ABI2: variants seen among roughly 807,000 people sequenced by gnomAD.
The protein encoded by ABI2 is abelson interactor 2.
A neutral mutation model predicts 59.2 loss-of-function variants in ABI2; 25 were observed. That is an observed-to-expected ratio of 0.42 (90% CI 0.31 to 0.59). ABI2 has a LOEUF of 0.59. Ranked by LOEUF, ABI2 falls within the 20% of genes least tolerant of loss-of-function variation. The probability of loss-of-function intolerance (pLI) is 0.14; values close to 1 mark genes in which losing one functional copy is unlikely to be tolerated. For missense variants in ABI2, 545 were observed against 681.8 expected (o/e 0.80, Z 2.23); for synonymous variants, 213 against 235.5 (o/e 0.90, Z 0.87).
chr2:203,415,707 G>C (rs902732323), intron 10 of ABI2, among the ~76,000 whole-genome samples: 3 of 151,486 alleles, frequency 2.0e-5, no homozygotes, highest in Non-Finnish European at 2.9e-5. Flanking sequence ...TGCTCAGAGA[G>C]TCACATGGGA....
At chr2:203,343,339 G>A (rs755107712) in intron 1 of ABI2, among the ~76,000 whole-genome samples, 5 of 152,198 alleles carry the variant, frequency 3.3e-5, no homozygotes, top group Non-Finnish European at 5.9e-5. Flanking sequence ...ACTCTAGCCT[G>A]GACGACAGCG....
At chr2:203,338,963 A>AAAT (rs2078063279) in intron 1 of ABI2, among the ~76,000 whole-genome samples, 1 of 9,992 alleles carries the variant, frequency 1.0e-4, no homozygotes, top group African/African-American at 3.6e-4. Context: ...TATATATATA[A>AAAT]ATATATATAT....
intron 1 of ABI2, among the ~76,000 whole-genome samples, chr2:203,357,774 T>C (rs891034960): frequency 6.6e-6 from 1 of 152,054 alleles, no homozygotes; most frequent in Admixed American, 6.6e-5. Context: ...TTTGTTTGTT[T>C]GTTTGTTTGT....
At chr2:203,376,512 G>C (rs1257614435) in intron 2 of ABI2, among the ~76,000 whole-genome samples, 1 of 152,126 alleles carries the variant, frequency 6.6e-6, no homozygotes, top group Non-Finnish European at 1.5e-5. Context: ...AGTTTTTACT[G>C]AGATTTGATA....
In ABI2 at chr2:203,386,430, GTTTTTTTTTTTTT is replaced by G. The variant is rs71007512; in HGVS notation, c.480+4238_480+4250del. On this transcript the variant is annotated intron_variant, in intron 4 of 11. Transcript: ENST00000261018. Reference sequence around the variant, plus strand: ...AGCGGGACTACAGCCACTCCTGGCTGTTTTTTTTTTTTTTTTTTTTTTTTTTGGAGAGACGTGG... The same window carrying G: ...AGCGGGACTACAGCCACTCCTGGCTGTTTTTTTTTTTTTGGAGAGACGTGG... 1.3e-4 allele frequency: 8 copies of G among 63,900 alleles called. 1 individual carries two copies. Among genetic ancestry groups the G allele is most frequent in the East Asian group, 6.4e-4 (1 of 1,552 alleles). The allele number at this position is 63,900 out of a possible 1,614,324, so 4.0% of individuals were successfully genotyped here.
At chr2:203,330,369 G>A (rs1253941953) in intron 1 of ABI2, among the ~76,000 whole-genome samples, 1 of 149,516 alleles carries the variant, frequency 6.7e-6, no homozygotes, top group Non-Finnish European at 1.5e-5. Context: ...TCAGGCCTGG[G>A]CGATAAGAGT....
intron 11 of ABI2, among the ~76,000 whole-genome samples, chr2:203,426,550 T>G (rs1336200065): frequency 6.6e-6 from 1 of 152,174 alleles, no homozygotes; most frequent in African/African-American, 2.4e-5. Context: ...TATAGTTATA[T>G]TAAATTGGTG....
At chr2:203,381,589 A>G (rs1476684184) in intron 3 of ABI2, among the ~76,000 whole-genome samples, 1 of 152,214 alleles carries the variant, frequency 6.6e-6, no homozygotes, top group East Asian at 1.9e-4. Context: ...TATAGCCAAT[A>G]CCTACATGCA....
At chr2:203,331,277 T>C (rs949933916) in intron 1 of ABI2, among the ~76,000 whole-genome samples, 1 of 151,794 alleles carries the variant, frequency 6.6e-6, no homozygotes, top group African/African-American at 2.4e-5. Context: ...AGCAGGGGTT[T>C]TGATGCTGCC....
intron 2 of ABI2, among the ~76,000 whole-genome samples, chr2:203,376,733 C>CCT (rs2095713363): frequency 2.6e-5 from 3 of 114,898 alleles, no homozygotes; most frequent in Admixed American, 1.9e-4. Flanking sequence ...TTGGTCTTCC[C>CCT]TTTTTTTTTT....
intron 1 of ABI2, among the ~76,000 whole-genome samples, chr2:203,333,182 A>G (rs1228859466): frequency 6.6e-6 from 1 of 152,194 alleles, no homozygotes; most frequent in Non-Finnish European, 1.5e-5. Flanking sequence ...ATTAGAATAC[A>G]TGCTCATTGT....
intron 6 of ABI2, among the ~76,000 whole-genome samples, chr2:203,395,448 T>C (rs3769675): frequency 0.035 from 3,981 of 115,326 alleles, 103 homozygotes; most frequent in Admixed American, 0.052. Context: ...TATATATATA[T>C]ACACACACAC....
At chr2:203,374,453 C>G (rs993477203) in intron 2 of ABI2, among the ~76,000 whole-genome samples, 9 of 143,456 alleles carry the variant, frequency 6.3e-5, no homozygotes, top group African/African-American at 2.4e-4. Flanking sequence ...GAGCTGAGAT[C>G]GTGCCACTGC....
chr2:203,329,341 A>ATTT lies in ABI2; in HGVS notation c.117+732_117+734dup, dbSNP rs11376266. ...TTGGGAAGATGAACCTCCTGGTTTA[A>ATTT]TTTTTTTTTTTTTTTTTTTTTTTTA... is the stretch of plus-strand genomic sequence containing the variant. On this transcript the variant is annotated intron_variant, in intron 1 of 11. Coordinates refer to ENST00000261018, the MANE Select transcript of ABI2 (RefSeq NM_001375670.1). 2.4e-3 allele frequency: 242 copies of ATTT among 100,646 alleles called. 5 individuals are homozygous for ATTT. Among genetic ancestry groups the ATTT allele is most frequent in the African/African-American group, 4.8e-3 (124 of 25,810 alleles). 6.2% of individuals were successfully genotyped at this position (100,646 alleles called of 1,614,324 possible).
intron 1 of ABI2, among the ~76,000 whole-genome samples, chr2:203,362,992 G>A (rs768410491): frequency 3.9e-5 from 6 of 152,002 alleles, no homozygotes; most frequent in African/African-American, 1.2e-4. Flanking sequence ...CACCACGCCC[G>A]GCTATTTTTC....
At position 203,419,146 on chromosome 2, in the gene ABI2, G is replaced by A. The variant is rs368083178; in HGVS notation, c.1453+2065G>A. Among the ~76,000 whole-genome samples, 73 of 97,696 alleles carry A rather than the reference G, an allele frequency of 7.5e-4. 3 individuals are homozygous for A. In the East Asian group the frequency reaches 0.018, roughly 24 times the overall value. 64.1% of individuals were successfully genotyped at this position (97,696 alleles called of 152,430 possible). Reference sequence around the variant, plus strand: ...TTTTTTGAGACGGAGTTTCGCTCTTGTTGCCCAGGCTGGAGTGCAATGGCG... The same window carrying A: ...TTTTTTGAGACGGAGTTTCGCTCTTATTGCCCAGGCTGGAGTGCAATGGCG... On this transcript the variant is annotated intron_variant, in intron 11 of 11. Transcript: ENST00000261018.
intron 1 of ABI2, among the ~76,000 whole-genome samples, chr2:203,333,514 G>C (rs1450832486): frequency 6.6e-6 from 1 of 152,172 alleles, no homozygotes; most frequent in African/African-American, 2.4e-5. Flanking sequence ...AAAGAGGTCA[G>C]TTGAGAGTAA....
At chr2:203,421,139 T>G (rs770359669) in intron 11 of ABI2, among the ~76,000 whole-genome samples, 1 of 152,214 alleles carries the variant, frequency 6.6e-6, no homozygotes, top group Admixed American at 6.5e-5. Context: ...CATCTACTTA[T>G]GTAACTTTTT....
chr2:203,387,007 C>A (rs1241264047), intron 4 of ABI2, among the ~76,000 whole-genome samples: 5 of 149,360 alleles, frequency 3.3e-5, no homozygotes, highest in Non-Finnish European at 7.4e-5. Flanking sequence ...GCAGAGAAAT[C>A]ATTCTATAGA....
Sources: gnomAD v4.1 joint callset for allele counts (sites outside exome capture counted in the v4.1 genomes callset) on GRCh38, gnomAD v4.1.1 for gene constraint, MANE v1.5 for transcripts, NCBI Gene and HGNC (gene_info 2026-07-23, HGNC 2026-07-21) for gene names.